DAB1: variants seen among roughly 807,000 people sequenced by gnomAD.
The protein encoded by DAB1 is DAB adaptor protein 1, also known as disabled homolog 1.
In DAB1, 15 loss-of-function variants were observed where a neutral mutation model predicts 64.6. The observed-to-expected ratio is 0.23, with a 90% CI of 0.16 to 0.36. The LOEUF (loss-of-function observed/expected upper bound fraction) is 0.36. DAB1 is among the 10% of genes least tolerant of loss of function. The pLI, the probability that DAB1 is intolerant of heterozygous loss-of-function variation, is 1.00. For missense variants in DAB1, 596 were observed against 706.7 expected, an observed-to-expected ratio of 0.84 and a Z score of 1.78; for synonymous variants, 235 against 251.9, an observed-to-expected ratio of 0.93 and a Z score of 0.64.
chr1:58,217,539 T>C (rs921559556), intron 4 of DAB1, among the ~76,000 whole-genome samples: 1 of 152,226 alleles, frequency 6.6e-6, no homozygotes. Context: ...ACACAGTTAT[T>C]TGCTTCCTCG....
At chr1:57,247,634 C>T (rs948715827) in intron 2 of DAB1, among the ~76,000 whole-genome samples, 1 of 152,142 alleles carries the variant, frequency 6.6e-6, no homozygotes, top group Non-Finnish European at 1.5e-5. Flanking sequence ...TTCTAAAACC[C>T]CTAAGGGCAC....
chr1:57,274,388 C>G (rs1015981587), intron 2 of DAB1, among the ~76,000 whole-genome samples: 1 of 152,204 alleles, frequency 6.6e-6, no homozygotes, highest in Non-Finnish European at 1.5e-5. Flanking sequence ...TTGCCTCCCA[C>G]AAATTTCAGT....
At chr1:57,681,051 T>G (rs1441933259) in intron 6 of DAB1, among the ~76,000 whole-genome samples, 1 of 152,176 alleles carries the variant, frequency 6.6e-6, no homozygotes, top group East Asian at 1.9e-4. Context: ...TAATAGAAAT[T>G]TATTGTCCAA....
At chr1:57,319,546 C>T (rs1041847803) in intron 1 of DAB1, among the ~76,000 whole-genome samples, 5 of 152,158 alleles carry the variant, frequency 3.3e-5, no homozygotes, top group African/African-American at 1.2e-4. Flanking sequence ...CCCCCTCCCC[C>T]AATTCAGGTA....
intron 2 of DAB1, among the ~76,000 whole-genome samples, chr1:57,248,663 T>C (rs1384482283): frequency 6.6e-6 from 1 of 152,234 alleles, no homozygotes; most frequent in African/African-American, 2.4e-5. Flanking sequence ...TCAGCACATA[T>C]TGATTTTGAA....
At chr1:57,875,088 A>G (rs371539526) in intron 1 of DAB1, 1 of 152,186 alleles carries the variant, frequency 6.6e-6, no homozygotes, top group African/African-American at 2.4e-5. Flanking sequence ...TCTCCAAACT[A>G]AGCACTGAAG....
chr1:57,511,428 C>G (rs1644404137), intron 7 of DAB1, among the ~76,000 whole-genome samples: 1 of 152,218 alleles, frequency 6.6e-6, no homozygotes, highest in South Asian at 2.1e-4. Flanking sequence ...ATCAGCTCAG[C>G]TCTTTACATG....
chr1:58,143,315 AT>A (rs1253840513), intron 5 of DAB1, among the ~76,000 whole-genome samples: 1 of 152,154 alleles, frequency 6.6e-6, no homozygotes, highest in Non-Finnish European at 1.5e-5. Context: ...CCACTCAATA[AT>A]GGAGATGAGG....
chr1:57,683,677 G>C (rs953550059), intron 6 of DAB1, among the ~76,000 whole-genome samples: 1 of 152,114 alleles, frequency 6.6e-6, no homozygotes, highest in Admixed American at 6.5e-5. Flanking sequence ...GCTCTACCAA[G>C]ATGAAAAAGA....
intron 6 of DAB1, among the ~76,000 whole-genome samples, chr1:57,724,052 C>G (rs1453385947): frequency 6.6e-6 from 1 of 152,086 alleles, no homozygotes; most frequent in Admixed American, 6.5e-5. Flanking sequence ...ACGTTTATAG[C>G]TATGAATCAG....
At chr1:57,517,099 G>T (rs1644471530) in intron 7 of DAB1, among the ~76,000 whole-genome samples, 1 of 152,098 alleles carries the variant, frequency 6.6e-6, no homozygotes, top group East Asian at 1.9e-4. Flanking sequence ...CTAGCACAGG[G>T]TCAGGCATAC....
In DAB1 at chr1:57,347,418, G is replaced by A. The variant is rs539857813; in HGVS notation, c.-136-56252C>T. 7.9e-5 allele frequency among the ~76,000 whole-genome samples: 12 copies of A among 152,190 alleles called. No individual in the cohort carries two copies. The East Asian group carries it at 9.6e-4, about 12-fold the overall frequency. On this transcript the variant is annotated intron_variant, in intron 1 of 14. Transcript: ENST00000371236. The stretch of plus-strand genomic sequence containing the variant: ...TACAGGATTTCTATGATCTCTTCCC[G>A]TTCTAATTTGCTAAGATTCTAATGG...
intron 2 of DAB1, among the ~76,000 whole-genome samples, chr1:57,233,562 C>A (rs937750165): frequency 6.6e-6 from 1 of 151,782 alleles, no homozygotes; most frequent in African/African-American, 2.4e-5. Context: ...GGTTCGAGAC[C>A]GGCCTGACCA....
At chr1:57,801,666 A>AT (rs937197259) in intron 6 of DAB1, among the ~76,000 whole-genome samples, 22 of 149,538 alleles carry the variant, frequency 1.5e-4, no homozygotes, top group Admixed American at 4.7e-4. Context: ...ATTTTTTTTT[A>AT]TTTTTTTTTG....
intron 4 of DAB1, among the ~76,000 whole-genome samples, chr1:58,314,729 C>T (rs1044076145): frequency 6.6e-6 from 1 of 152,150 alleles, no homozygotes; most frequent in African/African-American, 2.4e-5. Flanking sequence ...GATTATCTCA[C>T]CAAAATCTAA....
intron 7 of DAB1, among the ~76,000 whole-genome samples, chr1:57,496,025 T>C (rs1410639642): frequency 1.3e-5 from 2 of 152,228 alleles, no homozygotes; most frequent in African/African-American, 4.8e-5. Flanking sequence ...GATATAAGAA[T>C]GATTGATTAC....
chr1:58,009,202 A>T (rs1224563346), intron 5 of DAB1, among the ~76,000 whole-genome samples: 1 of 152,164 alleles, frequency 6.6e-6, no homozygotes, highest in Non-Finnish European at 1.5e-5. Context: ...CAAGAATTTG[A>T]CCAAGTCCAG....
intron 7 of DAB1, among the ~76,000 whole-genome samples, chr1:57,572,076 A>T (rs1645199635): frequency 6.6e-6 from 1 of 152,204 alleles, no homozygotes; most frequent in South Asian, 2.1e-4. Context: ...CACTAGCAGT[A>T]AAGAAGTGAG....
chr1:58,475,160 G>T (rs115138590), intron 3 of DAB1, among the ~76,000 whole-genome samples: 274 of 152,202 alleles, frequency 1.8e-3, no homozygotes, highest in Non-Finnish European at 2.7e-3. Context: ...TTAATTATTA[G>T]TAGTAGTAGT....
Sources: allele counts gnomAD v4.1 joint callset (sites outside exome capture counted in the v4.1 genomes callset), GRCh38; gene constraint gnomAD v4.1.1; transcripts MANE v1.5; gene names NCBI Gene and HGNC (gene_info 2026-07-23, HGNC 2026-07-21).